The following CIT variants were observed in gnomAD, a reference collection of about 807,000 sequenced individuals.
CIT encodes citron Rho-interacting kinase.
A neutral mutation model predicts 272.7 loss-of-function variants in CIT; 79 were observed. That is an observed-to-expected ratio of 0.29 (90% confidence interval 0.24 to 0.35). The LOEUF (loss-of-function observed/expected upper bound fraction) is 0.35. Ranked by LOEUF, CIT falls within the 10% of genes least tolerant of loss-of-function variation. The probability of loss-of-function intolerance (pLI) is 1.00; values close to 1 mark genes in which losing one functional copy is unlikely to be tolerated. For missense variants in CIT, 1,909 were observed against 2,618.3 expected, an observed-to-expected ratio of 0.73 and a Z score of 5.91; for synonymous variants, 948 against 995.6, an observed-to-expected ratio of 0.95 and a Z score of 0.90.
intron 9 of CIT, 66 bp from the exon 10 acceptor site, chr12:119,803,455 T>C: frequency 8.3e-7 from 1 of 1,200,840 alleles, no homozygotes; most frequent in Non-Finnish European, 1.2e-6. Flanking sequence ...TCAACACTGT[T>C]GCGGAGAAGA....
At position 119,697,788 on chromosome 12, in the gene CIT, G is replaced by A. The variant is rs755475237; in HGVS notation, c.5753C>T (p.Pro1918Leu). 1 of 1,614,156 alleles carries A rather than the reference G, an allele frequency of 6.2e-7. No individual in the cohort carries two copies. The highest frequency in any genetic ancestry group is 8.5e-7 in the Non-Finnish European group (1 of 1,180,038). Residue 1918 changes from proline (P) to leucine (L), a missense_variant, in exon 46 of 48, where the codon CCT becomes CTT. Coordinates refer to ENST00000392521, the MANE Select transcript of CIT (RefSeq NM_001206999.2). The surrounding 1 kb of genome is among the most constrained non-coding windows in gnomAD (Gnocchi z 4.9). ...GTAAATCGCTCCTGAGGAAATGGCA[G>A]GGCCCAGGTAGCGCGGGTTCGGGAT... ...LDIPNPRYLG[P>L]AISSGAIYLA...
chr12:119,790,866 A>C (rs994988549), intron 10 of CIT, among the ~76,000 whole-genome samples: 2 of 152,198 alleles, frequency 1.3e-5, no homozygotes, highest in Non-Finnish European at 2.9e-5. Context: ...GCCATTAAGG[A>C]AGCCACAATT....
At chr12:119,772,681 A>C in intron 17 of CIT, 89 bp downstream of exon 17, 1 of 1,392,568 alleles carries the variant, frequency 7.2e-7, no homozygotes, top group South Asian at 1.6e-5. Flanking sequence ...TTGGTCAAAC[A>C]TAAGCAAGTG....
intron 4 of CIT, among the ~76,000 whole-genome samples, chr12:119,856,794 T>C (rs944371328): frequency 6.6e-6 from 1 of 152,190 alleles, no homozygotes; most frequent in Non-Finnish European, 1.5e-5. Context: ...ACATTTGCAT[T>C]TTTCCTCCAC....
At chr12:119,778,153 G>A (rs1963953713) in intron 13 of CIT, among the ~76,000 whole-genome samples, 1 of 152,158 alleles carries the variant, frequency 6.6e-6, no homozygotes, top group African/African-American at 2.4e-5. Flanking sequence ...AAAATTCCAA[G>A]GAAAGAACCT....
chr12:119,824,108 GTA>G (rs59234933), intron 8 of CIT, among the ~76,000 whole-genome samples: 12,337 of 124,724 alleles, frequency 0.099, 567 homozygotes, highest in Non-Finnish European at 0.13. Flanking sequence ...TAGTTTTACT[GTA>G]TATATATATA....
intron 14 of CIT, 116 bp from the exon 15 acceptor site, chr12:119,776,524 C>A: frequency 2.6e-6 from 3 of 1,156,670 alleles, no homozygotes; most frequent in Non-Finnish European, 3.8e-6. Context: ...ATAATGTTAT[C>A]TTCTGTAAAT....
chr12:119,710,973 T>G lies in CIT; in HGVS notation c.4855-353A>C. 1 of 1,213,232 alleles carries G rather than the reference T, an allele frequency of 8.2e-7. No individual in the cohort carries two copies. Among genetic ancestry groups the G allele is most frequent in the Non-Finnish European group, 1.1e-6 (1 of 884,254 alleles). 75.2% of individuals were successfully genotyped at this position (1,213,232 alleles called of 1,614,324 possible). On this transcript the variant is annotated intron_variant, in intron 37 of 47. Transcript: ENST00000392521. The surrounding 1 kb of genome is among the most constrained non-coding windows in gnomAD (Gnocchi z 5.6). The stretch of plus-strand genomic sequence containing the variant: ...GTTAATAAGACACATGAAAGACTCC[T>G]TCCCCCATAAGGCTGCAGCAGAAGT...
chr12:119,776,859 G>T lies in CIT; in HGVS notation c.1666-17C>A. On this transcript the variant is annotated splice_polypyrimidine_tract_variant and intron_variant, in intron 13 of 47. Coordinates refer to ENST00000392521, the MANE Select transcript of CIT (RefSeq NM_001206999.2). Reference sequence around the variant, plus strand: ...CTGGTACTCCTAAAGAGCAGGCAATGAAATAAAAGAGAACTTTCGAACTCC... The same window carrying T: ...CTGGTACTCCTAAAGAGCAGGCAATTAAATAAAAGAGAACTTTCGAACTCC... 1.9e-6 allele frequency: 3 copies of T among 1,612,616 alleles called. No homozygotes were observed. The highest frequency in any genetic ancestry group is 2.5e-6 in the Non-Finnish European group (3 of 1,179,788).
At chr12:119,862,836 AAAAAGAAAAAACC>A (rs1566141877) in intron 3 of CIT, among the ~76,000 whole-genome samples, 3 of 137,050 alleles carry the variant, frequency 2.2e-5, no homozygotes, top group East Asian at 2.1e-4. Flanking sequence ...AAAAAAAAAA[AAAAAGAAAAAACC>A]AAAAAAAAAA....
chr12:119,790,579 G>C (rs934276290), intron 10 of CIT, among the ~76,000 whole-genome samples: 12 of 152,158 alleles, frequency 7.9e-5, no homozygotes, highest in Non-Finnish European at 1.3e-4. Flanking sequence ...GTGTGTGAGA[G>C]AGAGAGACAC....
At chr12:119,796,739 T>A (rs1010119739) in intron 10 of CIT, among the ~76,000 whole-genome samples, 1 of 151,710 alleles carries the variant, frequency 6.6e-6, no homozygotes, top group African/African-American at 2.4e-5. Context: ...TAACTGAGGA[T>A]GGAACTTGAG....
chr12:119,789,423 G>T (rs986095325), intron 10 of CIT, among the ~76,000 whole-genome samples: 1 of 152,094 alleles, frequency 6.6e-6, no homozygotes, highest in African/African-American at 2.4e-5. Context: ...CAACGTACAG[G>T]TATTAGATAA....
At chr12:119,816,365 TA>T (rs1462925135) in intron 9 of CIT, among the ~76,000 whole-genome samples, 1 of 152,152 alleles carries the variant, frequency 6.6e-6, no homozygotes, top group East Asian at 1.9e-4. Flanking sequence ...AAGCAAGGCC[TA>T]AAACCCAGCA....
chr12:119,785,146 A>C, intron 10 of CIT, 81 bp from the exon 11 acceptor site: 1 of 1,448,294 alleles, frequency 6.9e-7, no homozygotes. Flanking sequence ...CATTTGTTTC[A>C]TTTTACAAAA....
At chr12:119,823,720 A>G (rs910749076) in intron 8 of CIT, among the ~76,000 whole-genome samples, 2 of 152,152 alleles carry the variant, frequency 1.3e-5, no homozygotes, top group Non-Finnish European at 2.9e-5. Context: ...AAACTAAAAC[A>G]TATACATTTA....
chr12:119,728,633 T>C lies in CIT; in HGVS notation c.3487-27A>G, dbSNP rs946914009. 7 of 1,457,590 alleles carry C rather than the reference T, an allele frequency of 4.8e-6. No homozygotes were observed. Among genetic ancestry groups the C allele is most frequent in the Admixed American group, 1.8e-5 (1 of 55,790 alleles). The allele number at this position is 1,457,590 out of a possible 1,614,324, so 90.3% of individuals were successfully genotyped here. ...TAGACATTTGGAAAGATTGGCATAA[T>C]GCCACACTTAGGAATGTTAGATGCT... On this transcript the variant is annotated intron_variant, in intron 27 of 47. Transcript: ENST00000392521. The surrounding 1 kb of genome is among the most constrained non-coding windows in gnomAD (Gnocchi z 4.3).
intron 5 of CIT, among the ~76,000 whole-genome samples, chr12:119,838,996 G>A (rs1034438292): frequency 6.6e-6 from 1 of 152,220 alleles, no homozygotes. Flanking sequence ...TGACAGACGA[G>A]CCTGGCTTGG....
At chr12:119,759,602 C>T (rs544586440) in intron 20 of CIT, among the ~76,000 whole-genome samples, 123 of 151,724 alleles carry the variant, frequency 8.1e-4, no homozygotes, top group Non-Finnish European at 1.4e-3. Flanking sequence ...GCCGATATTG[C>T]GCCACTGCAC....
Sources: gnomAD v4.1 joint callset for allele counts (sites outside exome capture counted in the v4.1 genomes callset) on GRCh38, gnomAD v4.1.1 for gene constraint, Gnocchi (gnomAD v3.1) non-coding constraint, MANE v1.5 for transcripts, NCBI Gene and HGNC (gene_info 2026-07-23, HGNC 2026-07-21) for gene names.